The following SNX24 variants were observed in gnomAD, a reference collection of about 807,000 sequenced individuals.
The protein encoded by SNX24 is sorting nexin-24.
A neutral mutation model predicts 28.7 loss-of-function variants in SNX24; 22 were observed. That is an observed-to-expected ratio of 0.77 (90% CI 0.55 to 1.10). The LOEUF is 1.10. Ranked by LOEUF, SNX24 falls within the 50% of genes least tolerant of loss-of-function variation. SNX24 has a pLI of 0.00. For synonymous variants in SNX24, 69 were observed against 71.5 expected (o/e 0.96, Z 0.18); for missense variants, 221 against 201.1 (o/e 1.10, Z -0.60).
intron 1 of SNX24, among the ~76,000 whole-genome samples, chr5:122,879,476 G>C (rs1756380620): frequency 6.6e-6 from 1 of 152,140 alleles, no homozygotes; most frequent in African/African-American, 2.4e-5. Flanking sequence ...TATTGTTCTT[G>C]TGGTTGCCCT....
chr5:122,916,440 G>A (rs549079227), intron 1 of SNX24, among the ~76,000 whole-genome samples: 219 of 152,226 alleles, frequency 1.4e-3, no homozygotes, highest in African/African-American at 4.8e-3. Context: ...GAAGTTGAAC[G>A]TTTCTCACTT....
At chr5:123,014,043 T>A (rs1762638443), downstream of SNX24, among the ~76,000 whole-genome samples, 1 of 152,248 alleles carries the variant, frequency 6.6e-6, no homozygotes, top group Admixed American at 6.5e-5. Flanking sequence ...TAAAAATGTG[T>A]GTATTCTTAT....
chr5:123,021,635 G>GATAAA (rs1762764329), intron 5 of SNX24, among the ~76,000 whole-genome samples: 1 of 152,160 alleles, frequency 6.6e-6, no homozygotes, highest in African/African-American at 2.4e-5. Flanking sequence ...CCTTATAGCA[G>GATAAA]ATAAAATAAT....
In SNX24 at chr5:123,007,855, C is replaced by G; in HGVS notation, c.*106C>G. 1 of 1,519,656 alleles carries G rather than the reference C, an allele frequency of 6.6e-7. No homozygotes were observed. The highest frequency in any genetic ancestry group is 2.3e-5 in the Admixed American group (1 of 43,382). The allele number at this position is 1,519,656 out of a possible 1,614,324, so 94.1% of individuals were successfully genotyped here. On this transcript the variant is annotated 3_prime_UTR_variant, in exon 7 of 7. Transcript: ENST00000261369. ...ACGCTATGATATATAACAGCTCTAGCTAGTGGTAAAGTGCACAGTCCCAGC... is the reference window on the plus strand; with the variant it reads ...ACGCTATGATATATAACAGCTCTAGGTAGTGGTAAAGTGCACAGTCCCAGC...
At chr5:123,026,604 G>C (rs991103510) in intron 5 of SNX24, among the ~76,000 whole-genome samples, 10 of 152,208 alleles carry the variant, frequency 6.6e-5, no homozygotes, top group African/African-American at 2.4e-4. Context: ...TCAGCACCAA[G>C]AGCAATAGCA....
At chr5:122,926,456 G>T (rs1025513037) in intron 1 of SNX24, among the ~76,000 whole-genome samples, 2 of 152,180 alleles carry the variant, frequency 1.3e-5, no homozygotes, top group Non-Finnish European at 2.9e-5. Context: ...GACACAGAGG[G>T]AAGACACTTC....
At chr5:122,889,626 C>CATAT (rs10571884) in intron 1 of SNX24, among the ~76,000 whole-genome samples, 1 of 144,888 alleles carries the variant, frequency 6.9e-6, no homozygotes, top group Admixed American at 7.0e-5. Flanking sequence ...TATATATACA[C>CATAT]ATATATATAT....
chr5:122,923,401 G>A (rs1758530984), intron 1 of SNX24, among the ~76,000 whole-genome samples: 1 of 151,760 alleles, frequency 6.6e-6, no homozygotes, highest in Non-Finnish European at 1.5e-5. Context: ...TTGAAAGAAG[G>A]CTGAGTATTC....
At chr5:122,991,187 G>A (rs1047538581) in intron 3 of SNX24, among the ~76,000 whole-genome samples, 8 of 151,968 alleles carry the variant, frequency 5.3e-5, no homozygotes, top group African/African-American at 1.5e-4. Flanking sequence ...GTGAGCCACC[G>A]TGCCCAGCCT....
Position 123,009,117 on chromosome 5 carries a change from C to G in SNX24, c.*1368C>G. 1 of 985,266 alleles carries G rather than the reference C, an allele frequency of 1.0e-6. No homozygotes were observed. Among genetic ancestry groups the G allele is most frequent in the Non-Finnish European group, 1.2e-6 (1 of 829,504 alleles). The allele number at this position is 985,266 out of a possible 1,614,324, so 61.0% of individuals were successfully genotyped here. ...GAACTAAATAATCAAATGTTGTCAA[C>G]CAAAAGTAATAGTTGGGTATTGGAG... On this transcript the variant is annotated 3_prime_UTR_variant, in exon 7 of 7. Coordinates refer to ENST00000261369, the MANE Select transcript of SNX24 (RefSeq NM_014035.4).
Position 123,017,502 on chromosome 5 carries a change from A to G in SNX24, n.384-11736A>G, listed in dbSNP as rs116810856. 6.5e-3 allele frequency among the ~76,000 whole-genome samples: 991 copies of G among 151,860 alleles called. 13 individuals are homozygous for G. The highest frequency in any genetic ancestry group is 0.022 in the African/African-American group (910 of 41,332). ...TGAAAGGCAAGTCCAGTGTTTGACA[A>G]TCTTCAGGGGCTTGAGGGATTATAA... On this transcript the variant is annotated intron_variant and non_coding_transcript_variant, in intron 5 of 5. Transcript: ENST00000502387.
At chr5:122,964,370 T>C (rs1344137527) in intron 3 of SNX24, among the ~76,000 whole-genome samples, 1 of 151,934 alleles carries the variant, frequency 6.6e-6, no homozygotes, top group Non-Finnish European at 1.5e-5. Flanking sequence ...GATGGGGTGC[T>C]ACTAGCATGT....
chr5:122,972,913 G>A (rs949804488), intron 3 of SNX24, among the ~76,000 whole-genome samples: 1 of 152,144 alleles, frequency 6.6e-6, no homozygotes, highest in Non-Finnish European at 1.5e-5. Context: ...TAGCTAGGTC[G>A]GCCTTGCTGA....
chr5:122,949,946 A>G (rs533796504), intron 3 of SNX24, among the ~76,000 whole-genome samples: 1 of 152,330 alleles, frequency 6.6e-6, no homozygotes, highest in South Asian at 2.1e-4. Flanking sequence ...CCTGATGAAC[A>G]GTGAACCTTA....
intron 1 of SNX24, among the ~76,000 whole-genome samples, chr5:122,880,972 C>A (rs1368302926): frequency 6.6e-6 from 1 of 152,196 alleles, no homozygotes; most frequent in Non-Finnish European, 1.5e-5. Context: ...CCCCCAAAGC[C>A]CTGAAACACA....
chr5:122,957,501 GC>G (rs1341213830), intron 3 of SNX24, among the ~76,000 whole-genome samples: 1 of 151,992 alleles, frequency 6.6e-6, no homozygotes, highest in African/African-American at 2.4e-5. Context: ...GTATTTGAGG[GC>G]CCCTTGAAGT....
intron 1 of SNX24, among the ~76,000 whole-genome samples, chr5:122,854,498 A>C (rs1326984951): frequency 7.1e-6 from 1 of 139,900 alleles, no homozygotes; most frequent in Non-Finnish European, 1.5e-5. Context: ...ACAGAGCGAG[A>C]CTCTGTCTCA....
At position 123,002,945 on chromosome 5, in the gene SNX24, G is replaced by A. The variant is rs188084082; in HGVS notation, c.442+941G>A. Among the ~76,000 whole-genome samples the A allele has an allele frequency of 3.9e-3, 589 of 152,300 alleles. 3 individuals carry two copies. The highest frequency in any genetic ancestry group is 0.02 in the Middle Eastern group (6 of 294). On this transcript the variant is annotated intron_variant, in intron 6 of 6. Transcript: ENST00000261369. ...CTGAATGAGAAAATTGGGGTCCAGG[G>A]AAGTCCCTGACTTGTCCACTCTCAG...
chr5:122,960,400 T>C (rs2150137923), intron 3 of SNX24, among the ~76,000 whole-genome samples: 1 of 152,340 alleles, frequency 6.6e-6, no homozygotes, highest in African/African-American at 2.4e-5. Context: ...CTAAACTATT[T>C]TGTGAACCAC....
Sources: gnomAD v4.1 joint callset for allele counts (sites outside exome capture counted in the v4.1 genomes callset) on GRCh38, gnomAD v4.1.1 for gene constraint, MANE v1.5 for transcripts, NCBI Gene and HGNC (gene_info 2026-07-23, HGNC 2026-07-21) for gene names.